Variants in LINGO2 observed in about 807,000 individuals in gnomAD.
The protein encoded by LINGO2 is leucine rich repeat and Ig domain containing 2, also known as leucine-rich repeat and immunoglobulin-like domain-containing nogo receptor-interacting protein 2.
LINGO2 carries 14 observed loss-of-function variants against 30.6 expected under a neutral mutation model. The observed-to-expected ratio is 0.46, with a 90% confidence interval of 0.30 to 0.72. The LOEUF (loss-of-function observed/expected upper bound fraction) is 0.72. Ranked by LOEUF, LINGO2 falls within the 30% of genes least tolerant of loss-of-function variation. The pLI is 0.07. For synonymous variants in LINGO2, 317 were observed against 288.5 expected, an observed-to-expected ratio of 1.10 and a Z score of -1.00; for missense variants, 729 against 751.7, an observed-to-expected ratio of 0.97 and a Z score of 0.35.
chr9:28,485,980 G>C (rs1005028766), intron 1 of LINGO2, among the ~76,000 whole-genome samples: 3 of 152,096 alleles, frequency 2.0e-5, no homozygotes, highest in African/African-American at 7.2e-5. Flanking sequence ...TGTCTCTACT[G>C]ATTGGTATGG....
intron 1 of LINGO2, among the ~76,000 whole-genome samples, chr9:28,521,814 C>G (rs1219267476): frequency 6.6e-6 from 1 of 152,002 alleles, no homozygotes; most frequent in African/African-American, 2.4e-5. Context: ...GACTGAGGTC[C>G]TAATAAGAAA....
At chr9:29,055,005 G>T in the LINGO2 span, among the ~76,000 whole-genome samples, 1 of 152,212 alleles carries the variant, frequency 6.6e-6, no homozygotes, top group East Asian at 1.9e-4. Context: ...GATCACCTGA[G>T]GTCAGGAGTT....
chr9:28,222,344 T>G (rs60500733), intron 4 of LINGO2, among the ~76,000 whole-genome samples: 1 of 152,110 alleles, frequency 6.6e-6, no homozygotes, highest in South Asian at 2.1e-4. Context: ...ATGACATTGT[T>G]CCCATAAAAT....
At chr9:27,955,443 C>G (rs994744137) in intron 5 of LINGO2, among the ~76,000 whole-genome samples, 19 of 152,182 alleles carry the variant, frequency 1.2e-4, no homozygotes, top group African/African-American at 4.1e-4. Flanking sequence ...TACCATCATC[C>G]TCTTTACCTC....
At chr9:28,044,443 G>C (rs948682161) in intron 4 of LINGO2, among the ~76,000 whole-genome samples, 1 of 152,310 alleles carries the variant, frequency 6.6e-6, no homozygotes, top group East Asian at 1.9e-4. Flanking sequence ...TGGATCAGCT[G>C]TAAGTCTCAA....
intron 2 of LINGO2, among the ~76,000 whole-genome samples, chr9:28,397,260 G>C (rs1161289007): frequency 6.6e-6 from 1 of 151,124 alleles, no homozygotes; most frequent in Non-Finnish European, 1.5e-5. Flanking sequence ...TTCTTGGGAG[G>C]ATAAGATATA....
At position 28,129,064 on chromosome 9, in the gene LINGO2, G is replaced by A. The variant is rs1011701244; in HGVS notation, c.-86-116659C>T. ...TCAGACTCCAAGTTCTTTGACTTTC[G>A]GAGTCTTGGACTTAACACCAGAGGT... On this transcript the variant is annotated intron_variant, in intron 4 of 5. Transcript: ENST00000379992. The surrounding 1 kb of genome is among the most constrained non-coding windows in gnomAD (Gnocchi z 4.0). Among the ~76,000 whole-genome samples, 1 of 151,992 alleles carries A rather than the reference G, an allele frequency of 6.6e-6. No homozygotes were observed. The highest frequency in any genetic ancestry group is 1.5e-5 in the Non-Finnish European group (1 of 68,014).
chr9:29,041,303 A>G, the LINGO2 span, among the ~76,000 whole-genome samples: 1 of 152,064 alleles, frequency 6.6e-6, no homozygotes, highest in Non-Finnish European at 1.5e-5. Flanking sequence ...AATTCAAGGA[A>G]GGGTTTTTGG....
chr9:29,130,579 C>A, the LINGO2 span, among the ~76,000 whole-genome samples: 3 of 152,132 alleles, frequency 2.0e-5, no homozygotes, highest in African/African-American at 7.2e-5. Flanking sequence ...CATATGAAAT[C>A]TTACACAAAA....
At chr9:28,140,367 C>T (rs996621992) in intron 4 of LINGO2, among the ~76,000 whole-genome samples, 5 of 152,188 alleles carry the variant, frequency 3.3e-5, no homozygotes, top group African/African-American at 1.2e-4. Flanking sequence ...TTGACATTCA[C>T]GAACTAAATC....
the LINGO2 span, among the ~76,000 whole-genome samples, chr9:28,861,135 A>T: frequency 8.6e-6 from 1 of 115,792 alleles, no homozygotes; most frequent in East Asian, 2.2e-4. Flanking sequence ...AAATTATATA[A>T]ATTTTTATAT....
chr9:28,631,711 C>G (rs1258485686), intron 1 of LINGO2, among the ~76,000 whole-genome samples: 1 of 152,036 alleles, frequency 6.6e-6, no homozygotes, highest in African/African-American at 2.4e-5. Context: ...GTTGCTGTCT[C>G]CCCAAGTGCC....
In LINGO2 at chr9:28,329,017, G is replaced by T. The variant is rs1825327040; in HGVS notation, c.-245-33651C>A. Among the ~76,000 whole-genome samples, 1 of 152,128 alleles carries T rather than the reference G, an allele frequency of 6.6e-6. No individual in the cohort carries two copies. Among genetic ancestry groups the T allele is most frequent in the Non-Finnish European group, 1.5e-5 (1 of 68,024 alleles). On this transcript the variant is annotated intron_variant, in intron 3 of 5. Coordinates refer to ENST00000379992, the Ensembl canonical transcript of LINGO2. The surrounding 1 kb of genome is among the most constrained non-coding windows in gnomAD (Gnocchi z 4.5). ...GAATGGCCTTCACAGAGACTTCTCA[G>T]GTTCTCACCCCATCCGTATACGAGC... is the stretch of plus-strand genomic sequence containing the variant.
At chr9:28,365,206 C>A (rs777099997) in intron 3 of LINGO2, among the ~76,000 whole-genome samples, 3 of 151,672 alleles carry the variant, frequency 2.0e-5, no homozygotes, top group African/African-American at 7.3e-5. Flanking sequence ...GGGATGATGG[C>A]GGGAAAGGGC....
At chr9:28,798,852 TAAG>T in the LINGO2 span, among the ~76,000 whole-genome samples, 3 of 151,906 alleles carry the variant, frequency 2.0e-5, no homozygotes, top group African/African-American at 7.3e-5. Context: ...GTAAGCTAAA[TAAG>T]AAGAAAAATA....
intron 2 of LINGO2, among the ~76,000 whole-genome samples, chr9:28,405,181 T>A (rs112023373): frequency 3.1e-4 from 47 of 152,306 alleles, no homozygotes; most frequent in African/African-American, 1.1e-3. Flanking sequence ...GTTTAAAACT[T>A]TCAAAGAACA....
intron 1 of LINGO2, among the ~76,000 whole-genome samples, chr9:28,649,690 T>A (rs761085179): frequency 3.3e-5 from 5 of 151,860 alleles, no homozygotes; most frequent in Non-Finnish European, 7.4e-5. Flanking sequence ...ACTGGACGGA[T>A]GTTGTGGGAA....
the LINGO2 span, among the ~76,000 whole-genome samples, chr9:28,980,344 A>AT: frequency 6.6e-6 from 1 of 151,906 alleles, no homozygotes; most frequent in Non-Finnish European, 1.5e-5. Context: ...AGCCAGAGTA[A>AT]TTTTTTCAAA....
the LINGO2 span, among the ~76,000 whole-genome samples, chr9:28,976,149 TAAG>T: frequency 6.6e-6 from 1 of 152,132 alleles, no homozygotes; most frequent in Admixed American, 6.5e-5. Context: ...GATGGTGCCT[TAAG>T]AAGAGTAGAA....
Sources: allele counts gnomAD v4.1 joint callset (sites outside exome capture counted in the v4.1 genomes callset), GRCh38; gene constraint gnomAD v4.1.1; non-coding constraint Gnocchi (gnomAD v3.1); transcripts MANE v1.5; gene names NCBI Gene and HGNC (gene_info 2026-07-23, HGNC 2026-07-21).